The following BCAS3 variants were observed in gnomAD, a reference collection of about 807,000 sequenced individuals.
BCAS3 encodes BCAS3 microtubule associated cell migration factor.
In BCAS3, 53 loss-of-function variants were observed where a neutral mutation model predicts 116.1. That is an observed-to-expected ratio of 0.46 (90% confidence interval 0.37 to 0.57). The LOEUF (loss-of-function observed/expected upper bound fraction) is 0.57, where lower values mean the gene tolerates loss of function less well. Ranked by LOEUF, BCAS3 falls within the 20% of genes least tolerant of loss-of-function variation. The probability of loss-of-function intolerance (pLI) is 0.00; values close to 1 mark genes in which losing one functional copy is unlikely to be tolerated. For missense variants in BCAS3, 917 were observed against 1,165.4 expected, an observed-to-expected ratio of 0.79 and a Z score of 3.10; for synonymous variants, 391 against 408.2, an observed-to-expected ratio of 0.96 and a Z score of 0.51.
chr17:61,245,708 A>G (rs529105581), intron 22 of BCAS3, among the ~76,000 whole-genome samples: 3 of 152,314 alleles, frequency 2.0e-5, no homozygotes, highest in Middle Eastern at 3.4e-3. Context: ...AGGCTTTAAC[A>G]TAACAAGATG....
chr17:60,951,717 A>G (rs1002777239), intron 14 of BCAS3, among the ~76,000 whole-genome samples: 4 of 151,552 alleles, frequency 2.6e-5, no homozygotes, highest in Admixed American at 2.6e-4. Context: ...TATCTAGGGG[A>G]AAATCCAATT....
At chr17:61,172,848 C>T (rs541447907) in intron 22 of BCAS3, among the ~76,000 whole-genome samples, 2 of 151,644 alleles carry the variant, frequency 1.3e-5, no homozygotes, top group African/African-American at 2.4e-5. Context: ...ATTAGCCGGG[C>T]GTGGCGGTGG....
intron 7 of BCAS3, among the ~76,000 whole-genome samples, chr17:60,862,059 G>A (rs980123390): frequency 2.0e-5 from 3 of 152,160 alleles, no homozygotes; most frequent in Non-Finnish European, 2.9e-5. Context: ...CGAGGAGGGC[G>A]GATCATGAGG....
intron 19 of BCAS3, among the ~76,000 whole-genome samples, chr17:61,062,030 G>A (rs2070108661): frequency 6.6e-6 from 1 of 152,076 alleles, no homozygotes; most frequent in African/African-American, 2.4e-5. Flanking sequence ...TATGCAATAA[G>A]GTCAACTTTT....
chr17:61,374,320 G>A (rs748360986), intron 23 of BCAS3, among the ~76,000 whole-genome samples: 3 of 151,174 alleles, frequency 2.0e-5, no homozygotes, highest in Non-Finnish European at 4.4e-5. Context: ...ACAGGCATAT[G>A]CCACCACACT....
intron 18 of BCAS3, among the ~76,000 whole-genome samples, chr17:61,040,583 G>A (rs1437365787): frequency 3.3e-5 from 5 of 152,266 alleles, no homozygotes; most frequent in Admixed American, 2.6e-4. Context: ...CATGTTATTT[G>A]TATGAAAGAC....
chr17:60,747,131 G>T, intron 5 of BCAS3, 67 bp from the exon 6 acceptor site: 1 of 1,063,422 alleles, frequency 9.4e-7, no homozygotes, highest in Non-Finnish European at 1.4e-6. Flanking sequence ...AGAAGATCTT[G>T]TTTTTATATA....
chr17:60,869,591 G>A (rs960498661), intron 8 of BCAS3, among the ~76,000 whole-genome samples: 1 of 152,042 alleles, frequency 6.6e-6, no homozygotes, highest in African/African-American at 2.4e-5. Context: ...AAAGGAAGGT[G>A]GGTTTTGATA....
At position 61,391,986 on chromosome 17, in the gene BCAS3, G is replaced by A. The variant is rs768702070; in HGVS notation, c.2603G>A (p.Arg868Gln). 5.0e-6 allele frequency: 8 copies of A among 1,613,680 alleles called. No homozygotes were observed. The highest frequency in any genetic ancestry group is 2.2e-5 in the East Asian group (1 of 44,866). The change falls in exon 24 of 24, where the codon CGA becomes CAA. Residue 868 changes from arginine to glutamine, a missense_variant. By Grantham distance (43) the Arg-to-Gln change is conservative. Coordinates refer to ENST00000407086, the MANE Select transcript of BCAS3 (RefSeq NM_017679.5). The surrounding 1 kb of genome is among the most constrained non-coding windows in gnomAD (Gnocchi z 7.7). The part of the protein sequence containing the change: ...DVVGSGTELQ[R>Q]EGSIETLSNS... ...CTCCTGTGTCTTGCAGAACTTCAGC[G>A]AGAGGGAAGCATCGAGACTCTGAGT...
At chr17:60,899,337 C>G (rs1456952471) in intron 10 of BCAS3, among the ~76,000 whole-genome samples, 1 of 152,148 alleles carries the variant, frequency 6.6e-6, no homozygotes, top group African/African-American at 2.4e-5. Context: ...AGCTCGCAAC[C>G]AAGTCTTAGT....
intron 15 of BCAS3, among the ~76,000 whole-genome samples, chr17:61,011,292 A>G (rs2065098223): frequency 6.6e-6 from 1 of 152,074 alleles, no homozygotes; most frequent in African/African-American, 2.4e-5. Flanking sequence ...GACTTCATCT[A>G]GGTCCAAGGC....
At chr17:61,143,637 C>T (rs944700251) in intron 22 of BCAS3, among the ~76,000 whole-genome samples, 2 of 151,818 alleles carry the variant, frequency 1.3e-5, no homozygotes, top group African/African-American at 4.8e-5. Context: ...GGCGAGACCC[C>T]GCCTCTACTA....
intron 22 of BCAS3, among the ~76,000 whole-genome samples, chr17:61,101,591 A>G (rs903776069): frequency 6.6e-6 from 1 of 152,182 alleles, no homozygotes; most frequent in Non-Finnish European, 1.5e-5. Flanking sequence ...ATCATGGAAT[A>G]ACATATGAGT....
rs747345482 is a variant in BCAS3 at position 61,040,769 on chromosome 17, A to G, written c.1929-23A>G. On this transcript the variant is annotated intron_variant, in intron 18 of 23. Coordinates refer to ENST00000407086, the MANE Select transcript of BCAS3 (RefSeq NM_017679.5). ...TCCCATCTATTAAGCTTAAATATTA[A>G]TATTCTTCTCCTGTTTCCTTAGAAC... 2.5e-6 allele frequency: 4 copies of G among 1,582,152 alleles called. No individual in the cohort carries two copies. The South Asian group carries it at 4.4e-5, about 18-fold the overall frequency.
intron 6 of BCAS3, among the ~76,000 whole-genome samples, chr17:60,751,465 A>T (rs1421146452): frequency 3.3e-5 from 5 of 152,098 alleles, no homozygotes; most frequent in African/African-American, 1.2e-4. Context: ...ATCAGTATGT[A>T]TATTTTAATA....
chr17:61,167,545 C>CT (rs1402593797), intron 22 of BCAS3, among the ~76,000 whole-genome samples: 2 of 152,178 alleles, frequency 1.3e-5, no homozygotes, highest in Non-Finnish European at 2.9e-5. Flanking sequence ...TAGCAGATGT[C>CT]TGTGAAACTG....
chr17:60,768,174 A>G (rs1366099167), intron 6 of BCAS3, among the ~76,000 whole-genome samples: 2 of 152,196 alleles, frequency 1.3e-5, no homozygotes, highest in African/African-American at 2.4e-5. Context: ...TTGGTTGTAA[A>G]CAATATGAGT....
intron 13 of BCAS3, among the ~76,000 whole-genome samples, chr17:60,927,649 C>A (rs2059432121): frequency 6.6e-6 from 1 of 152,064 alleles, no homozygotes. Context: ...TATAGAGTTT[C>A]CTTGTTCTGG....
chr17:60,741,620 T>C (rs1253261120), intron 5 of BCAS3, among the ~76,000 whole-genome samples: 1 of 152,178 alleles, frequency 6.6e-6, no homozygotes, highest in East Asian at 1.9e-4. Flanking sequence ...GCATTACATA[T>C]CCATTGGAGA....
Sources: allele counts gnomAD v4.1 joint callset (sites outside exome capture counted in the v4.1 genomes callset), GRCh38; gene constraint gnomAD v4.1.1; non-coding constraint Gnocchi (gnomAD v3.1); transcripts MANE v1.5; gene names NCBI Gene and HGNC (gene_info 2026-07-23, HGNC 2026-07-21).